Variants in DOK6 observed in about 807,000 individuals in gnomAD.
The protein encoded by DOK6 is downstream of tyrosine kinase 6.
A neutral mutation model predicts 44.0 loss-of-function variants in DOK6; 22 were observed. That is an observed-to-expected ratio of 0.50 (90% CI 0.36 to 0.71). The LOEUF (loss-of-function observed/expected upper bound fraction) is 0.71. Among genes scored for constraint, DOK6 ranks in the 30% least tolerant of loss-of-function variants. The probability of loss-of-function intolerance (pLI) is 0.00; values close to 1 mark genes in which losing one functional copy is unlikely to be tolerated. For synonymous variants in DOK6, 166 were observed against 145.5 expected (o/e 1.14, Z -1.01); for missense variants, 340 against 416.4 (o/e 0.82, Z 1.60).
At chr18:69,661,600 A>G (rs1009747040) in intron 3 of DOK6, 29 of 152,192 alleles carry the variant, frequency 1.9e-4, no homozygotes, top group African/African-American at 7.0e-4. Context: ...AGGTTCCTGT[A>G]TGTGTAATTG....
At chr18:69,488,063 T>A (rs914423436) in intron 1 of DOK6, among the ~76,000 whole-genome samples, 1 of 152,176 alleles carries the variant, frequency 6.6e-6, no homozygotes, top group African/African-American at 2.4e-5. Context: ...ATCAAGGTGC[T>A]GGCCAGGTAG....
intron 3 of DOK6, among the ~76,000 whole-genome samples, chr18:69,649,117 T>A (rs553530632): frequency 1.3e-5 from 2 of 152,196 alleles, no homozygotes; most frequent in African/African-American, 2.4e-5. Flanking sequence ...GATATGTCCA[T>A]TCCCAAGAAC....
chr18:69,840,083 G>A (rs1217511564), intron 7 of DOK6, among the ~76,000 whole-genome samples: 1 of 152,248 alleles, frequency 6.6e-6, no homozygotes, highest in Non-Finnish European at 1.5e-5. Context: ...CAGTGAGAGA[G>A]TATTTTCCAC....
chr18:69,502,267 G>A (rs1004101991), intron 1 of DOK6, among the ~76,000 whole-genome samples: 18 of 151,832 alleles, frequency 1.2e-4, no homozygotes, highest in Admixed American at 2.0e-4. Flanking sequence ...AAAATTTAGC[G>A]GAATATATTC....
At chr18:69,774,319 C>CTT (rs1275995374) in intron 7 of DOK6, among the ~76,000 whole-genome samples, 9 of 150,840 alleles carry the variant, frequency 6.0e-5, no homozygotes, top group Non-Finnish European at 1.0e-4. Context: ...GATGCAAAGG[C>CTT]CTAAGAATGA....
chr18:69,655,761 C>CAAAAAAAAAAAAAA (rs74175379), intron 3 of DOK6, among the ~76,000 whole-genome samples: 17 of 43,186 alleles, frequency 3.9e-4, no homozygotes, highest in South Asian at 1.0e-3. Flanking sequence ...CCCCACCCCT[C>CAAAAAAAAAAAAAA]AAAAAAAAAA....
chr18:69,742,165 A>G, intron 6 of DOK6, among the ~76,000 whole-genome samples: 1 of 152,192 alleles, frequency 6.6e-6, no homozygotes. Context: ...CTGTAATCCC[A>G]GCACTTTAGG....
chr18:69,771,392 T>C (rs1979882305), intron 7 of DOK6, among the ~76,000 whole-genome samples: 1 of 152,086 alleles, frequency 6.6e-6, no homozygotes, highest in Non-Finnish European at 1.5e-5. Context: ...CTGCAAACTC[T>C]AGTTTATTTA....
Position 69,599,422 on chromosome 18 carries a change from G to T in DOK6, c.213G>T (p.Leu71=). ...ELHNIKNITR[L]PRETKKHAVA... ...ACAATATCAAAAATATAACCAGACT[G>T]CCCCGAGAGACAAAGAAGCATGCGG... The change falls in exon 3 of 8, where the codon CTG becomes CTT. Residue 71 remains leucine, a synonymous_variant. Coordinates refer to ENST00000382713, the MANE Select transcript of DOK6 (RefSeq NM_152721.6). 1.2e-6 allele frequency: 2 copies of T among 1,613,794 alleles called. No homozygotes were observed. The highest frequency in any genetic ancestry group is 1.7e-6 in the Non-Finnish European group (2 of 1,179,922).
At chr18:69,554,900 T>C (rs1362871391) in intron 1 of DOK6, among the ~76,000 whole-genome samples, 1 of 152,228 alleles carries the variant, frequency 6.6e-6, no homozygotes, top group African/African-American at 2.4e-5. Flanking sequence ...GAGCATTTTG[T>C]ATAAGCCTAT....
At chr18:69,460,475 C>A (rs1979757243) in intron 1 of DOK6, among the ~76,000 whole-genome samples, 1 of 152,072 alleles carries the variant, frequency 6.6e-6, no homozygotes, top group Admixed American at 6.5e-5. Flanking sequence ...TAAATAATAT[C>A]AGTCAGTTTA....
At chr18:69,602,613 A>T (rs1224203939) in intron 3 of DOK6, among the ~76,000 whole-genome samples, 1 of 152,240 alleles carries the variant, frequency 6.6e-6, no homozygotes, top group African/African-American at 2.4e-5. Context: ...ATTAATTTTA[A>T]CAAATGTACC....
At chr18:69,614,106 C>G (rs147424657) in intron 3 of DOK6, among the ~76,000 whole-genome samples, 2,293 of 151,996 alleles carry the variant, frequency 0.015, 21 homozygotes, top group Non-Finnish European at 0.021. Flanking sequence ...ATCTTTATTT[C>G]AAAGAGAACA....
At chr18:69,837,062 T>A (rs994958665) in intron 7 of DOK6, among the ~76,000 whole-genome samples, 7 of 152,176 alleles carry the variant, frequency 4.6e-5, no homozygotes, top group Admixed American at 3.9e-4. Flanking sequence ...GACTAGAAAT[T>A]CTTCACAGAG....
At chr18:69,465,463 C>G (rs984800263) in intron 1 of DOK6, among the ~76,000 whole-genome samples, 3 of 151,706 alleles carry the variant, frequency 2.0e-5, no homozygotes, top group African/African-American at 7.3e-5. Context: ...CCGCTCCCCC[C>G]ACCCCACAAC....
At chr18:69,812,496 C>T (rs1981271795) in intron 7 of DOK6, among the ~76,000 whole-genome samples, 1 of 152,054 alleles carries the variant, frequency 6.6e-6, no homozygotes, top group African/African-American at 2.4e-5. Flanking sequence ...CTGTCAGCTC[C>T]CAAGGATCTG....
chr18:69,713,405 A>G (rs564286013), intron 5 of DOK6, among the ~76,000 whole-genome samples: 9 of 152,320 alleles, frequency 5.9e-5, no homozygotes, highest in African/African-American at 2.2e-4. Context: ...ATTGTGGAAT[A>G]AGCTTCCTGC....
rs201544676 is a variant in DOK6, at chr18:69,841,361, A to G, written c.974A>G (p.Tyr325Cys). 1 of 1,614,182 alleles carries G rather than the reference A, an allele frequency of 6.2e-7. No homozygotes were observed. Among genetic ancestry groups the G allele is most frequent in the Non-Finnish European group, 8.5e-7 (1 of 1,180,020 alleles). ...CGGTCCAGCAGCTATGGATTCAGCT[A>G]CAGCTCCAGCCTCATCCAATGACAC... ...LSRSSSYGFS[Y>C]SSSLIQ Residue 325 changes from tyrosine to cysteine, a missense_variant, in exon 8 of 8, where the codon TAC becomes TGC. By Grantham distance (194) the Tyr-to-Cys change is radical. Around this residue, in one of 3 missense-constraint regions of DOK6, gnomAD observed 112 missense variants for 109.3 expected, o/e 1.02. Coordinates refer to ENST00000382713, the MANE Select transcript of DOK6 (RefSeq NM_152721.6).
intron 7 of DOK6, among the ~76,000 whole-genome samples, chr18:69,835,474 AC>A (rs1982024838): frequency 4.4e-5 from 1 of 22,490 alleles, no homozygotes; most frequent in Non-Finnish European, 9.9e-5. Flanking sequence ...CAAAAAAACA[AC>A]AACAACAACA....
Sources: gnomAD v4.1 joint callset for allele counts (sites outside exome capture counted in the v4.1 genomes callset) on GRCh38, gnomAD v4.1.1 for gene constraint, gnomAD v4.1.1 regional missense constraint, MANE v1.5 for transcripts, NCBI Gene and HGNC (gene_info 2026-07-23, HGNC 2026-07-21) for gene names.